The following MADCAM1 variants were observed in gnomAD, a reference collection of about 807,000 sequenced individuals.
MADCAM1 encodes the protein mucosal addressin cell adhesion molecule 1.
In MADCAM1, 19 loss-of-function variants were observed where a neutral mutation model predicts 26.1. That is an observed-to-expected ratio of 0.73 (90% CI 0.51 to 1.07). MADCAM1 has a LOEUF of 1.07. MADCAM1 is among the 50% of genes least tolerant of loss of function. MADCAM1 has a pLI of 0.00. For missense variants in MADCAM1, 514 were observed against 542.1 expected (o/e 0.95, Z 0.51); for synonymous variants, 268 against 260.9 (o/e 1.03, Z -0.26).
intron 1 of MADCAM1, 78 bp downstream of exon 1, chr19:496,629 G>C: frequency 3.2e-6 from 3 of 936,202 alleles, no homozygotes; most frequent in Non-Finnish European, 4.0e-6. Flanking sequence ...TCAGGAGAGG[G>C]GAGGGGGCTC....
intron 4 of MADCAM1, 140 bp from the exon 5 acceptor site, chr19:504,605 G>A (rs1180207201): frequency 1.5e-6 from 1 of 648,992 alleles, no homozygotes; most frequent in Non-Finnish European, 2.7e-6. Flanking sequence ...ATTTCAAAAG[G>A]GTCATGGTAA....
Position 498,092 on chromosome 19 carries a change from G to A in MADCAM1, c.312G>A (p.Gln104=). The change falls in exon 2 of 5, where the codon CAG becomes CAA. Residue 104 remains glutamine, a synonymous_variant. Coordinates refer to ENST00000215637, the MANE Select transcript of MADCAM1 (RefSeq NM_130760.3). The stretch of plus-strand genomic sequence containing the variant: ...GCTCCTGCGGGGGCCGCACCTTCCA[G>A]CACACCGTGCAGCTCCTTGTGTACG... ...CVGSCGGRTF[Q]HTVQLLVYAF... 4 of 1,429,756 alleles carry A rather than the reference G, an allele frequency of 2.8e-6. No homozygotes were observed. The highest frequency in any genetic ancestry group is 2.7e-6 in the Non-Finnish European group (3 of 1,096,124). 88.6% of individuals were successfully genotyped at this position (1,429,756 alleles called of 1,614,324 possible). A position where few individuals can be genotyped will look rare whatever the true frequency, so the allele number is the denominator to read the frequency against.
rs748238656 is a variant in MADCAM1 at position 498,547 on chromosome 19, C to T, written c.389C>T (p.Pro130Leu). The change falls in exon 3 of 5, where the codon CCG becomes CTG. Residue 130 changes from proline to leucine, a missense_variant. Physicochemically the swap from Pro to Leu is moderately conservative, Grantham distance 98. Around this residue, in one of 3 missense-constraint regions of MADCAM1, gnomAD observed 317 missense variants for 313.6 expected, o/e 1.01. Transcript: ENST00000215637. Reference protein sequence around the residue: ...VSPAALVPGDPEVACTAHKVT... With the variant: ...VSPAALVPGDLEVACTAHKVT... ...CCAGCAGCCCTGGTGCCTGGTGACC[C>T]GGAGGTGGCCTGTACGGCCCACAAA... 7 of 1,470,982 alleles carry T rather than the reference C, an allele frequency of 4.8e-6. No homozygotes were observed. Among genetic ancestry groups the T allele is most frequent in the Non-Finnish European group, 6.3e-6 (7 of 1,116,166 alleles). The allele number at this position is 1,470,982 out of a possible 1,614,324, so 91.1% of individuals were successfully genotyped here.
intron 4 of MADCAM1, among the ~76,000 whole-genome samples, chr19:504,409 G>A (rs940311730): frequency 7.9e-5 from 12 of 151,754 alleles, no homozygotes; most frequent in African/African-American, 2.4e-4. Context: ...GATTACAGGC[G>A]CCTGCCACCA....
At chr19:498,213 G>T (rs1172441847) in intron 2 of MADCAM1, 96 bp downstream of exon 2, 1 of 1,205,408 alleles carries the variant, frequency 8.3e-7, no homozygotes, top group Non-Finnish European at 1.1e-6. Flanking sequence ...ATTGCAGGCA[G>T]GGTCCCAGCT....
At chr19:503,868 T>C (rs879870602) in intron 4 of MADCAM1, among the ~76,000 whole-genome samples, 4 of 152,038 alleles carry the variant, frequency 2.6e-5, no homozygotes, top group Admixed American at 2.6e-4. Flanking sequence ...GCCAACATGG[T>C]GAAACCTCAT....
In MADCAM1 at chr19:498,768, T is replaced by C; in HGVS notation, c.610T>C (p.Cys204Arg). Residue 204 changes from cysteine to arginine, a missense_variant, in exon 3 of 5, where the codon TGC becomes CGC. By Grantham distance (180) the Cys-to-Arg change is radical. Around this residue, in one of 3 missense-constraint regions of MADCAM1, gnomAD observed 317 missense variants for 313.6 expected, o/e 1.01. Transcript: ENST00000215637. ...LGTPVPPALY[C>R]QATMRLPGLE... Reference sequence around the variant, plus strand: ...GACCCCTGTCCCGCCCGCCCTCTACTGCCAGGCCACGATGAGGCTGCCTGG... The same window carrying C: ...GACCCCTGTCCCGCCCGCCCTCTACCGCCAGGCCACGATGAGGCTGCCTGG... The C allele has an allele frequency of 9.6e-7, 1 of 1,042,380 alleles. No individual in the cohort carries two copies. Among genetic ancestry groups the C allele is most frequent in the South Asian group, 1.4e-5 (1 of 71,294 alleles). 64.6% of individuals were successfully genotyped at this position (1,042,380 alleles called of 1,614,324 possible).
chr19:504,255 C>CTTT (rs141972615), intron 4 of MADCAM1, among the ~76,000 whole-genome samples: 6 of 88,148 alleles, frequency 6.8e-5, no homozygotes, highest in East Asian at 3.2e-4. Context: ...CCGGTCTGCC[C>CTTT]TTTTTTTTTT....
chr19:499,784 A>G, intron 3 of MADCAM1: 1 of 456,410 alleles, frequency 2.2e-6, no homozygotes. Flanking sequence ...GGATGAAGAC[A>G]TTTAATGTGG....
chr19:499,426 A>G (rs1978306463), intron 3 of MADCAM1: 1 of 242,960 alleles, frequency 4.1e-6, no homozygotes, highest in South Asian at 2.1e-5. Flanking sequence ...ACAAACACAG[A>G]CACACACACG....
In MADCAM1 at chr19:498,666, G is replaced by C. The variant is rs756671531; in HGVS notation, c.508G>C (p.Glu170Gln). The stretch of plus-strand genomic sequence containing the variant: ...GCAAGCCCTGGGCCCGGAGGTGCAG[G>C]AGGAGGAGGAGGAGCCCCAGGGGGA... ...GAQALGPEVQ[E>Q]EEEEPQGDED... Residue 170 changes from glutamate (E) to glutamine (Q), a missense_variant, in exon 3 of 5, where the codon GAG becomes CAG. Transcript: ENST00000215637. 7.1e-6 allele frequency: 10 copies of C among 1,403,838 alleles called. No homozygotes were observed. Among genetic ancestry groups the C allele is most frequent in the Non-Finnish European group, 9.3e-6 (10 of 1,078,226 alleles). 87.0% of individuals were successfully genotyped at this position (1,403,838 alleles called of 1,614,324 possible). A position where few individuals can be genotyped will look rare whatever the true frequency, so the allele number is the denominator to read the frequency against.
In MADCAM1 at chr19:498,559, G is replaced by A; in HGVS notation, c.401G>A (p.Cys134Tyr). 2 of 1,479,638 alleles carry A rather than the reference G, an allele frequency of 1.4e-6. No individual in the cohort carries two copies. Among genetic ancestry groups the A allele is most frequent in the Non-Finnish European group, 1.8e-6 (2 of 1,120,102 alleles). 91.7% of individuals were successfully genotyped at this position (1,479,638 alleles called of 1,614,324 possible). The change falls in exon 3 of 5, where the codon TGT becomes TAT. Residue 134 changes from cysteine to tyrosine, a missense_variant. By Grantham distance (194) the Cys-to-Tyr change is radical. Coordinates refer to ENST00000215637, the MANE Select transcript of MADCAM1 (RefSeq NM_130760.3). ...ALVPGDPEVA[C>Y]TAHKVTPVDP... ...GTGCCTGGTGACCCGGAGGTGGCCT[G>A]TACGGCCCACAAAGTCACGCCCGTG...
Position 500,568 on chromosome 19 carries a change from A to C in MADCAM1, c.668-1101A>C, listed in dbSNP as rs142222752. Among the ~76,000 whole-genome samples, 1,030 of 152,198 alleles carry C rather than the reference A, an allele frequency of 6.8e-3. 6 individuals carry two copies. Among genetic ancestry groups the C allele is most frequent in the Middle Eastern group, 0.048 (14 of 294 alleles). On this transcript the variant is annotated intron_variant, in intron 3 of 4. Transcript: ENST00000215637. ...AACATAGTGAAACCCCATCTCTATTAAAAATACAAAAATTAGATGTGGCCA... is the reference window on the plus strand; with the variant it reads ...AACATAGTGAAACCCCATCTCTATTCAAAATACAAAAATTAGATGTGGCCA...
Position 501,943 on chromosome 19 carries a change from C to G in MADCAM1, c.928+14C>G. 1 of 1,483,248 alleles carries G rather than the reference C, an allele frequency of 6.7e-7. No individual in the cohort carries two copies. The highest frequency in any genetic ancestry group is 9.0e-7 in the Non-Finnish European group (1 of 1,116,742). 91.9% of individuals were successfully genotyped at this position (1,483,248 alleles called of 1,614,324 possible). ...TCCCAACAGGCTGTGAGTTCTGGTC[C>G]CTGGGGGCAGGGAGGGTGGGAAGGG... is the stretch of plus-strand genomic sequence containing the variant. On this transcript the variant is annotated intron_variant, in intron 4 of 4. Coordinates refer to ENST00000215637, the MANE Select transcript of MADCAM1 (RefSeq NM_130760.3).
intron 2 of MADCAM1, among the ~76,000 whole-genome samples, 179 bp downstream of exon 2, chr19:498,296 G>A (rs983601522): frequency 1.3e-5 from 2 of 152,146 alleles, no homozygotes; most frequent in South Asian, 2.1e-4. Context: ...TCCCAGGGCC[G>A]GCCCTGGCCC....
chr19:498,156 G>A (rs773004425), intron 2 of MADCAM1, 39 bp downstream of exon 2: 7 of 1,303,148 alleles, frequency 5.4e-6, no homozygotes, highest in Non-Finnish European at 6.8e-6. Flanking sequence ...CTGACCCTTG[G>A]ACTCCCGGCT....
Position 498,691 on chromosome 19 carries a change from A to C in MADCAM1, c.533A>C (p.Asp178Ala). The C allele has an allele frequency of 6.9e-7, 1 of 1,446,462 alleles. No homozygotes were observed. The highest frequency in any genetic ancestry group is 3.1e-5 in the Admixed American group (1 of 32,320). 89.6% of individuals were successfully genotyped at this position (1,446,462 alleles called of 1,614,324 possible). A position where few individuals can be genotyped will look rare whatever the true frequency, so the allele number is the denominator to read the frequency against. Reference sequence around the variant, plus strand: ...GAGGAGGAGGAGGAGCCCCAGGGGGACGAGGACGTGCTGTTCAGGGTGACA... The same window carrying C: ...GAGGAGGAGGAGGAGCCCCAGGGGGCCGAGGACGTGCTGTTCAGGGTGACA... ...VQEEEEEPQG[D>A]EDVLFRVTER... Residue 178 changes from aspartate (D) to alanine (A), a missense_variant, in exon 3 of 5, where the codon GAC becomes GCC. By Grantham distance (126) the Asp-to-Ala change is moderately radical (BLOSUM62 -2). Around this residue, in one of 3 missense-constraint regions of MADCAM1, gnomAD observed 317 missense variants for 313.6 expected, o/e 1.01. Transcript: ENST00000215637.
At position 504,798 on chromosome 19, in the gene MADCAM1, G is replaced by A. The variant is rs1347790694; in HGVS notation, c.982G>A (p.Val328Met). Reference sequence around the variant, plus strand: ...CGCGGCTCTGTGGACCAGCAGTGCGGTGCTGGGACTGCTGCTCCTGGCCTT... The same window carrying A: ...CGCGGCTCTGTGGACCAGCAGTGCGATGCTGGGACTGCTGCTCCTGGCCTT... ...LPAALWTSSAVLGLLLLALPT... is the reference protein window; with the variant it reads ...LPAALWTSSAMLGLLLLALPT... The change falls in exon 5 of 5, where the codon GTG becomes ATG. Residue 328 changes from valine to methionine, a missense_variant. Around this residue, in one of 3 missense-constraint regions of MADCAM1, gnomAD observed 152 missense variants for 136.7 expected, o/e 1.11. Coordinates refer to ENST00000215637, the MANE Select transcript of MADCAM1 (RefSeq NM_130760.3). 1 of 1,612,894 alleles carries A rather than the reference G, an allele frequency of 6.2e-7. No individual in the cohort carries two copies. The highest frequency in any genetic ancestry group is 1.3e-5 in the African/African-American group (1 of 74,934).
Position 502,029 on chromosome 19 carries a change from GGTTTCCCCGTCTGCCCAGCCTCA to G in MADCAM1, c.928+123_928+145del, listed in dbSNP as rs1409928583. On this transcript the variant is annotated intron_variant, in intron 4 of 4. Transcript: ENST00000215637. ...ACAAGAAATTGCCCTGCCCAGCCTTGGTTTCCCCGTCTGCCCAGCCTCAGTTTCCCCGTCTGCCCAGCCTCGGT... is the reference window on the plus strand; with the variant it reads ...ACAAGAAATTGCCCTGCCCAGCCTTGGTTTCCCCGTCTGCCCAGCCTCGGT... The G allele has an allele frequency of 8.1e-4, 1,015 of 1,256,542 alleles. 7 individuals carry two copies. In the African/African-American group the frequency reaches 0.013, roughly 17 times the overall value. The allele number at this position is 1,256,542 out of a possible 1,614,324, so 77.8% of individuals were successfully genotyped here.
Sources: gnomAD v4.1 joint callset for allele counts (sites outside exome capture counted in the v4.1 genomes callset) on GRCh38, gnomAD v4.1.1 for gene constraint, gnomAD v4.1.1 regional missense constraint, MANE v1.5 for transcripts, NCBI Gene and HGNC (gene_info 2026-07-23, HGNC 2026-07-21) for gene names.